The following DNAH17 variants were observed in gnomAD, a reference collection of about 807,000 sequenced individuals.
DNAH17 encodes dynein axonemal heavy chain 17.
In DNAH17, 376 loss-of-function variants were observed where a neutral mutation model predicts 485.6. The ratio of observed to expected loss-of-function variants is 0.77; its 90% CI spans 0.71 to 0.84. DNAH17 has a LOEUF of 0.84. Ranked by LOEUF, DNAH17 falls within the 40% of genes least tolerant of loss-of-function variation. DNAH17 has a pLI of 0.00. For synonymous variants in DNAH17, 3,031 were observed against 2,405.9 expected, an observed-to-expected ratio of 1.26 and a Z score of -7.60; for missense variants, 6,370 against 5,839.3, an observed-to-expected ratio of 1.09 and a Z score of -2.96.
chr17:78,551,988 A>T (rs1343775797), intron 15 of DNAH17, among the ~76,000 whole-genome samples: 1 of 151,604 alleles, frequency 6.6e-6, no homozygotes, highest in African/African-American at 2.4e-5. Flanking sequence ...AAAATTCAGC[A>T]GGATGAAAAC....
chr17:78,569,959 G>A (rs984234763), intron 7 of DNAH17, among the ~76,000 whole-genome samples: 2 of 152,218 alleles, frequency 1.3e-5, no homozygotes, highest in African/African-American at 4.8e-5. Context: ...TGTGCGATTA[G>A]AGAAGCCCAC....
intron 77 of DNAH17, 27 bp downstream of exon 77, chr17:78,428,498 G>C (rs749076119): frequency 1.6e-5 from 25 of 1,567,018 alleles, no homozygotes; most frequent in Admixed American, 1.3e-4. Flanking sequence ...CCTTCCTCTC[G>C]CTTGGGAGCA....
intron 54 of DNAH17, among the ~76,000 whole-genome samples, chr17:78,474,910 C>G (rs79961950): frequency 0.22 from 28,520 of 126,834 alleles, 3,966 homozygotes; most frequent in African/African-American, 0.45. Context: ...GGAGGTTTCA[C>G]ACGCTTCACC....
intron 54 of DNAH17, among the ~76,000 whole-genome samples, chr17:78,473,418 C>A (rs566862893): frequency 1.3e-5 from 2 of 151,886 alleles, no homozygotes. Flanking sequence ...GTGGCGGGCG[C>A]GTGTAGTCCC....
intron 12 of DNAH17, among the ~76,000 whole-genome samples, 163 bp downstream of exon 12, chr17:78,561,552 G>A (rs1260718551): frequency 1.3e-5 from 2 of 152,088 alleles, no homozygotes; most frequent in Non-Finnish European, 2.9e-5. Context: ...AAGGTGATCA[G>A]GGGAGGAGGG....
chr17:78,444,582 C>A, intron 71 of DNAH17, 22 bp downstream of exon 71: 12 of 1,532,986 alleles, frequency 7.8e-6, no homozygotes, highest in Non-Finnish European at 1.1e-5. Context: ...GGGCGGGGCC[C>A]CCGGCGCGGC....
In DNAH17 at chr17:78,552,808, G is replaced by A; in HGVS notation, c.2179-3C>T. 1 of 1,595,436 alleles carries A rather than the reference G, an allele frequency of 6.3e-7. No individual in the cohort carries two copies. The highest frequency in any genetic ancestry group is 1.1e-5 in the South Asian group (1 of 90,564). ...ACTGCCTTCACTATAGTCTTTATCT[G>A]AAAAACAGAGGTGACAGGTTTTGTT... On this transcript the variant is annotated splice_polypyrimidine_tract_variant and splice_region_variant and intron_variant, in intron 14 of 80. Coordinates refer to ENST00000389840, the MANE Select transcript of DNAH17 (RefSeq NM_173628.4).
At position 78,425,589 on chromosome 17, in the gene DNAH17, C is replaced by T. The variant is rs1046935991; in HGVS notation, c.12916-18G>A. 6 of 1,588,732 alleles carry T rather than the reference C, an allele frequency of 3.8e-6. No individual in the cohort carries two copies. Among genetic ancestry groups the T allele is most frequent in the African/African-American group, 1.3e-5 (1 of 74,318 alleles). On this transcript the variant is annotated intron_variant, in intron 79 of 80. Coordinates refer to ENST00000389840, the MANE Select transcript of DNAH17 (RefSeq NM_173628.4). Reference sequence around the variant, plus strand: ...TCGAGTTCCTGCAAGGACACACGAGCCGCTAGGAGGAGAGGACATAGAATG... The same window carrying T: ...TCGAGTTCCTGCAAGGACACACGAGTCGCTAGGAGGAGAGGACATAGAATG...
intron 18 of DNAH17, 79 bp from the exon 19 acceptor site, chr17:78,537,560 C>T: frequency 6.8e-7 from 1 of 1,469,544 alleles, no homozygotes; most frequent in Non-Finnish European, 9.3e-7. Flanking sequence ...ATCATCCACT[C>T]CGTACCATCA....
In DNAH17 at chr17:78,529,583, G is replaced by A. The variant is rs2091173534; in HGVS notation, c.3396C>T (p.Val1132=). The A allele has an allele frequency of 1.2e-6, 2 of 1,613,742 alleles. No individual in the cohort carries two copies. Among genetic ancestry groups the A allele is most frequent in the Non-Finnish European group, 1.7e-6 (2 of 1,179,870 alleles). Residue 1132 remains valine (V), a synonymous_variant, in exon 22 of 81, where the codon GTC becomes GTT. Transcript: ENST00000389840. ...LVEVMGHLMK[V]KERQAATDNM... is the part of the protein sequence containing the mutation. ...TGTCGGTGGCTGCTTGCCTCTCCTT[G>A]ACTTTCATCAGGTGCCCCATCACCT...
chr17:78,480,669 A>T lies in DNAH17; in HGVS notation c.7752+15T>A. The T allele has an allele frequency of 6.2e-7, 1 of 1,607,768 alleles. No individual in the cohort carries two copies. The highest frequency in any genetic ancestry group is 1.1e-5 in the South Asian group (1 of 90,522). Reference sequence around the variant, plus strand: ...CTCATGGCAGGTGACGGGGATGAGTATGGTTTCTGCTTACCTGAAGCCTGG... The same window carrying T: ...CTCATGGCAGGTGACGGGGATGAGTTTGGTTTCTGCTTACCTGAAGCCTGG... On this transcript the variant is annotated intron_variant, in intron 49 of 80. Transcript: ENST00000389840.
In DNAH17 at chr17:78,446,909, A is replaced by G. The variant is rs148197305; in HGVS notation, c.11212-1229T>C. 5.3e-3 allele frequency among the ~76,000 whole-genome samples: 799 copies of G among 152,168 alleles called. 7 individuals are homozygous for G. The highest frequency in any genetic ancestry group is 0.017 in the African/African-American group (726 of 41,528). ...TCTGCCCACCTTGGCCTCCCAACGTACCAGGATTACAGGTGAGAGCCACTG... is the reference window on the plus strand; with the variant it reads ...TCTGCCCACCTTGGCCTCCCAACGTGCCAGGATTACAGGTGAGAGCCACTG... On this transcript the variant is annotated intron_variant, in intron 69 of 80. Transcript: ENST00000389840.
intron 37 of DNAH17, among the ~76,000 whole-genome samples, chr17:78,496,458 G>A (rs1397964013): frequency 2.6e-5 from 4 of 151,246 alleles, no homozygotes; most frequent in Non-Finnish European, 4.4e-5. Flanking sequence ...TCACAGCGGG[G>A]GTGGTGGGCG....
chr17:78,495,686 C>CCT (rs1036003582), intron 38 of DNAH17, among the ~76,000 whole-genome samples, 189 bp downstream of exon 38: 7 of 152,180 alleles, frequency 4.6e-5, no homozygotes, highest in Non-Finnish European at 1.0e-4. Flanking sequence ...GATCCACCCT[C>CCT]CTCAGCCGCC....
In DNAH17 at chr17:78,501,737, C is replaced by A; in HGVS notation, c.5322+5G>T. 6.2e-7 allele frequency: 1 copy of A among 1,612,270 alleles called. No homozygotes were observed. The highest frequency in any genetic ancestry group is 8.5e-7 in the Non-Finnish European group (1 of 1,179,674). On this transcript the variant is annotated splice_donor_5th_base_variant and intron_variant, in intron 34 of 80. Transcript: ENST00000389840. ...CCCTGGCCCCTGGGACAGGGGCGCT[C>A]ATGCCTTGGCCACGATCATTTTGGC...
intron 18 of DNAH17, among the ~76,000 whole-genome samples, chr17:78,539,422 T>G (rs1431564202): frequency 1.3e-5 from 2 of 151,874 alleles, no homozygotes; most frequent in South Asian, 2.1e-4. Flanking sequence ...TCCACATGAG[T>G]AGGGGGCAGT....
intron 38 of DNAH17, 136 bp downstream of exon 38, chr17:78,495,738 AT>A: frequency 9.3e-7 from 1 of 1,072,812 alleles, no homozygotes. Flanking sequence ...GTGCCCGGCC[AT>A]CTTGGGAGCT....
intron 22 of DNAH17, 121 bp from the exon 23 acceptor site, chr17:78,527,117 T>G: frequency 1.3e-6 from 1 of 763,398 alleles, no homozygotes; most frequent in Admixed American, 2.9e-5. Flanking sequence ...GCGCGGTGGC[T>G]CACACCTGTA....
At chr17:78,426,112 G>A (rs2086446473) in intron 79 of DNAH17, among the ~76,000 whole-genome samples, 1 of 152,230 alleles carries the variant, frequency 6.6e-6, no homozygotes, top group South Asian at 2.1e-4. Flanking sequence ...GGGTCAGGAA[G>A]AAAATGGCTT....
Sources: gnomAD v4.1 joint callset for allele counts (sites outside exome capture counted in the v4.1 genomes callset) on GRCh38, gnomAD v4.1.1 for gene constraint, MANE v1.5 for transcripts, NCBI Gene and HGNC (gene_info 2026-07-23, HGNC 2026-07-21) for gene names.